GRPEL2: variants seen among roughly 807,000 people sequenced by gnomAD.
The protein encoded by GRPEL2 is GrpE like 2, mitochondrial, also known as grpE protein homolog 2, mitochondrial.
GRPEL2 carries 18 observed loss-of-function variants against 25.9 expected under a neutral mutation model. The observed-to-expected ratio is 0.70, with a 90% confidence interval of 0.48 to 1.03. GRPEL2 has a LOEUF of 1.03. GRPEL2 is among the 50% of genes least tolerant of loss of function. The pLI, the probability that GRPEL2 is intolerant of heterozygous loss-of-function variation, is 0.00. For synonymous variants in GRPEL2, 106 were observed against 107.9 expected (o/e 0.98, Z 0.11); for missense variants, 247 against 276.2 (o/e 0.89, Z 0.75).
chr5:149,352,349 G>A lies in GRPEL2; in HGVS notation c.*1067G>A, dbSNP rs1757790088. 1 of 149,276 alleles carries A rather than the reference G, an allele frequency of 6.7e-6. No homozygotes were observed. The highest frequency in any genetic ancestry group is 1.5e-5 in the Non-Finnish European group (1 of 67,688). 9.2% of individuals were successfully genotyped at this position (149,276 alleles called of 1,614,324 possible). ...TTTTTTTTCCTGTGTTGCCCAGGCTGACCTCCAACTCCTGGGCCCAAGCAA... is the reference window on the plus strand; with the variant it reads ...TTTTTTTTCCTGTGTTGCCCAGGCTAACCTCCAACTCCTGGGCCCAAGCAA... On this transcript the variant is annotated 3_prime_UTR_variant, in exon 4 of 4. Transcript: ENST00000329271.
Position 149,346,715 on chromosome 5 carries a change from ATTTTTTTTTTTTTTTTTTTTT to A in GRPEL2, c.77+1119_77+1139del, listed in dbSNP as rs34300270. On this transcript the variant is annotated intron_variant, in intron 1 of 3. Coordinates refer to ENST00000329271, the MANE Select transcript of GRPEL2 (RefSeq NM_152407.4). Reference sequence around the variant, plus strand: ...TTTTCCCTTTGAACTGGCCCTGAGAATTTTTTTTTTTTTTTTTTTTTTTTTTTTTTTTTTTTTTTTGAGACG... The same window carrying A: ...TTTTCCCTTTGAACTGGCCCTGAGAATTTTTTTTTTTTTTTTTTTGAGACG... 2.4e-4 allele frequency among the ~76,000 whole-genome samples: 14 copies of A among 59,262 alleles called. 1 individual carries two copies. Among genetic ancestry groups the A allele is most frequent in the African/African-American group, 7.4e-4 (9 of 12,206 alleles). The allele number at this position is 59,262 out of a possible 152,430, so 38.9% of individuals were successfully genotyped here.
intron 1 of GRPEL2, chr5:149,345,898 A>C: frequency 2.2e-6 from 1 of 456,678 alleles, no homozygotes; most frequent in South Asian, 2.8e-5. Context: ...GGGATGTACC[A>C]CTCTCCCGGC....
Position 149,345,581 on chromosome 5 carries a change from G to T in GRPEL2, c.42G>T (p.Gln14His), listed in dbSNP as rs772701446. ...RSLWAGRLRV[Q>H]RLLAWSAAWE... Reference sequence around the variant, plus strand: ...TGTGGGCGGGCCGGCTGCGGGTGCAGCGCCTACTGGCCTGGAGTGCCGCGT... The same window carrying T: ...TGTGGGCGGGCCGGCTGCGGGTGCATCGCCTACTGGCCTGGAGTGCCGCGT... Residue 14 changes from glutamine to histidine, a missense_variant, in exon 1 of 4, where the codon CAG (glutamine) becomes CAT (histidine). By Grantham distance (24) the Gln-to-His change is conservative. Around this residue, in one of 2 missense-constraint regions of GRPEL2, gnomAD observed 125 missense variants for 107.0 expected, o/e 1.17. Coordinates refer to ENST00000329271, the MANE Select transcript of GRPEL2 (RefSeq NM_152407.4). 6 of 1,611,956 alleles carry T rather than the reference G, an allele frequency of 3.7e-6. No homozygotes were observed. The highest frequency in any genetic ancestry group is 4.2e-6 in the Non-Finnish European group (5 of 1,179,340).
chr5:149,349,318 TATTCTC>T (rs1226994350), intron 2 of GRPEL2, among the ~76,000 whole-genome samples: 2 of 152,208 alleles, frequency 1.3e-5, no homozygotes, highest in Admixed American at 6.5e-5. Context: ...TTTTAAAACT[TATTCTC>T]AGTTATCCTT....
intron 2 of GRPEL2, among the ~76,000 whole-genome samples, chr5:149,349,044 G>A (rs775184726): frequency 1.3e-5 from 2 of 151,988 alleles, no homozygotes; most frequent in Admixed American, 6.6e-5. Context: ...TGTCCAGGCT[G>A]GAGTACAATG....
At chr5:149,348,977 C>T (rs1009100976) in intron 2 of GRPEL2, among the ~76,000 whole-genome samples, 47 of 152,070 alleles carry the variant, frequency 3.1e-4, no homozygotes, top group South Asian at 1.2e-3. Context: ...AAATAACTGC[C>T]TCCAAATAGA....
In GRPEL2 at chr5:149,348,315, G is replaced by T. The variant is rs140763967; in HGVS notation, c.121G>T (p.Gly41Cys). The change falls in exon 2 of 4, where the codon GGT becomes TGT. Residue 41 changes from glycine to cysteine, a missense_variant. Coordinates refer to ENST00000329271, the MANE Select transcript of GRPEL2 (RefSeq NM_152407.4). ...CAGCACTGCCACCCAGAGAACTGCT[G>T]GTGAGGACTGCCGTTCTGAGGACCC... ...PFSTATQRTA[G>C]EDCRSEDPPD... 1 of 1,612,580 alleles carries T rather than the reference G, an allele frequency of 6.2e-7. No individual in the cohort carries two copies. The highest frequency in any genetic ancestry group is 1.1e-5 in the South Asian group (1 of 90,932).
In GRPEL2 at chr5:149,353,588, GGTT is replaced by G. The variant is rs1229326295; in HGVS notation, c.*2307_*2309del. On this transcript the variant is annotated 3_prime_UTR_variant, in exon 4 of 4. Transcript: ENST00000329271. Reference sequence around the variant, plus strand: ...TTTTGGTTTTTGGTTTTTGGTTTTTGGTTTTTTTTTTTTGGTTGGTTGGTTGTT... The same window carrying G: ...TTTTGGTTTTTGGTTTTTGGTTTTTGTTTTTTTTTTGGTTGGTTGGTTGTT... The G allele has an allele frequency of 5.5e-5, 8 of 146,124 alleles. No homozygotes were observed. The East Asian group carries it at 1.7e-3, about 30-fold the overall frequency. The allele number at this position is 146,124 out of a possible 1,614,324, so 9.1% of individuals were successfully genotyped here.
intron 1 of GRPEL2, 93 bp downstream of exon 1, chr5:149,345,709 C>CT: frequency 9.3e-7 from 1 of 1,072,732 alleles, no homozygotes; most frequent in Non-Finnish European, 1.4e-6. Context: ...CGAGAGCTAT[C>CT]TGAGCGTAGG....
Position 149,351,113 on chromosome 5 carries a change from G to A in GRPEL2, c.509G>A (p.Gly170Asp). Residue 170 changes from glycine to aspartate, a missense_variant, in exon 4 of 4, where the codon GGT becomes GAT. Transcript: ENST00000329271. ...KHGLEKLTPI[G>D]DKYDPHEHEL... ...GGCCTGGAGAAACTGACACCCATTG[G>A]TGACAAATATGACCCCCATGAGCAT... The A allele has an allele frequency of 6.2e-7, 1 of 1,614,216 alleles. No homozygotes were observed. The highest frequency in any genetic ancestry group is 8.5e-7 in the Non-Finnish European group (1 of 1,180,028).
At chr5:149,347,639 C>T (rs372077308) in intron 1 of GRPEL2, among the ~76,000 whole-genome samples, 6 of 152,170 alleles carry the variant, frequency 3.9e-5, no homozygotes, top group African/African-American at 7.2e-5. Context: ...GTCTATTCAC[C>T]GGCAGTAACA....
chr5:149,345,960 A>T, intron 1 of GRPEL2: 1 of 314,378 alleles, frequency 3.2e-6, no homozygotes, highest in Non-Finnish European at 6.0e-6. Flanking sequence ...CTCTCCCCTC[A>T]CTCCGTGTGA....
chr5:149,352,113 C>T lies in GRPEL2; in HGVS notation c.*831C>T, dbSNP rs1757785248. 1.3e-5 allele frequency: 2 copies of T among 152,198 alleles called. No individual in the cohort carries two copies. Among genetic ancestry groups the T allele is most frequent in the Non-Finnish European group, 2.9e-5 (2 of 68,038 alleles). The allele number at this position is 152,198 out of a possible 1,614,324, so 9.4% of individuals were successfully genotyped here. On this transcript the variant is annotated 3_prime_UTR_variant, in exon 4 of 4. Transcript: ENST00000329271. The stretch of plus-strand genomic sequence containing the variant: ...ACAACTTATTCCACCAGCCTTTACT[C>T]CTCTGCCCTTTTGTCAATTTTACCT...
intron 3 of GRPEL2, 85 bp from the exon 4 acceptor site, chr5:149,350,833 C>T (rs1480173540): frequency 2.1e-5 from 29 of 1,394,658 alleles, no homozygotes; most frequent in Non-Finnish European, 2.5e-5. Flanking sequence ...GCATACTAGC[C>T]GTCTATCTAG....
Position 149,348,362 on chromosome 5 carries a change from T to A in GRPEL2, c.168T>A (p.Pro56=). 1.2e-6 allele frequency: 2 copies of A among 1,613,582 alleles called. No homozygotes were observed. Among genetic ancestry groups the A allele is most frequent in the East Asian group, 2.2e-5 (1 of 44,872 alleles). Residue 56 remains proline (P), a synonymous_variant, in exon 2 of 4, where the codon CCT becomes CCA. Transcript: ENST00000329271. The part of the protein sequence containing the change: ...SEDPPDELGP[P]LAERALRVKA... Reference sequence around the variant, plus strand: ...ACCCTCCTGATGAGCTTGGGCCCCCTCTTGCTGAACGAGCCTTAAGGGTAA... The same window carrying A: ...ACCCTCCTGATGAGCTTGGGCCCCCACTTGCTGAACGAGCCTTAAGGGTAA...
At chr5:149,349,433 G>A (rs1462939177) in intron 2 of GRPEL2, among the ~76,000 whole-genome samples, 2 of 152,242 alleles carry the variant, frequency 1.3e-5, no homozygotes, top group South Asian at 2.1e-4. Flanking sequence ...ACCGTTAGGA[G>A]TTTGAACTGT....
chr5:149,353,004 C>T lies in GRPEL2; in HGVS notation c.*1722C>T, dbSNP rs1757799572. On this transcript the variant is annotated 3_prime_UTR_variant, in exon 4 of 4. Transcript: ENST00000329271. ...TGAAGTTATAAAATAAAATAAAATT[C>T]ATTTTCCACTGGAACTCTATGACAT... is the stretch of plus-strand genomic sequence containing the variant. 6.6e-6 allele frequency: 1 copy of T among 151,272 alleles called. No homozygotes were observed. Among genetic ancestry groups the T allele is most frequent in the African/African-American group, 2.5e-5 (1 of 40,248 alleles). 9.4% of individuals were successfully genotyped at this position (151,272 alleles called of 1,614,324 possible).
In GRPEL2 at chr5:149,352,790, G is replaced by A. The variant is rs1416702922; in HGVS notation, c.*1508G>A. 1 of 152,002 alleles carries A rather than the reference G, an allele frequency of 6.6e-6. No homozygotes were observed. Among genetic ancestry groups the A allele is most frequent in the African/African-American group, 2.4e-5 (1 of 41,374 alleles). 9.4% of individuals were successfully genotyped at this position (152,002 alleles called of 1,614,324 possible). Reference sequence around the variant, plus strand: ...TAGTCTTTTTAGGACTGGACACAAGGAAAATAATCTCTAAACTATTGACTA... The same window carrying A: ...TAGTCTTTTTAGGACTGGACACAAGAAAAATAATCTCTAAACTATTGACTA... On this transcript the variant is annotated 3_prime_UTR_variant, in exon 4 of 4. Transcript: ENST00000329271.
chr5:149,345,869 C>CT, intron 1 of GRPEL2: 1 of 544,388 alleles, frequency 1.8e-6, no homozygotes, highest in Non-Finnish European at 3.3e-6. Flanking sequence ...GGTGAGAAGT[C>CT]TCTTAAGCCC....
Sources: allele counts gnomAD v4.1 joint callset (sites outside exome capture counted in the v4.1 genomes callset), GRCh38; gene constraint gnomAD v4.1.1; regional missense constraint gnomAD v4.1.1; transcripts MANE v1.5; gene names NCBI Gene and HGNC (gene_info 2026-07-23, HGNC 2026-07-21).